Variants in SKI observed in about 807,000 individuals in gnomAD.
The protein encoded by SKI is ski oncogene.
Under a neutral mutation model 59.3 loss-of-function variants are expected in SKI, and 23 were observed. The ratio of observed to expected loss-of-function variants is 0.39; its 90% CI spans 0.28 to 0.55. SKI has a LOEUF of 0.55. SKI is among the 20% of genes least tolerant of loss of function. SKI has a pLI of 0.67. For missense variants in SKI, 1,017 were observed against 1,038.9 expected, an observed-to-expected ratio of 0.98 and a Z score of 0.29; for synonymous variants, 673 against 488.6, an observed-to-expected ratio of 1.38 and a Z score of -4.98.
Position 2,306,785 on chromosome 1 carries a change from A to G in SKI, c.*20A>G, listed in dbSNP as rs1157210755. 2 of 1,479,738 alleles carry G rather than the reference A, an allele frequency of 1.4e-6. No homozygotes were observed. The highest frequency in any genetic ancestry group is 1.5e-5 in the African/African-American group (1 of 67,650). The allele number at this position is 1,479,738 out of a possible 1,614,324, so 91.7% of individuals were successfully genotyped here. On this transcript the variant is annotated 3_prime_UTR_variant, in exon 7 of 7. Transcript: ENST00000378536. The stretch of plus-strand genomic sequence containing the variant: ...CCGTAGATTCCGTGCCTGCCGCCGC[A>G]GCGCCGCCGACAACGCGGGTGCAGG...
At chr1:2,306,405 T>G (rs886789669) in intron 6 of SKI, among the ~76,000 whole-genome samples, 155 bp downstream of exon 6, 8 of 151,764 alleles carry the variant, frequency 5.3e-5, no homozygotes, top group African/African-American at 1.9e-4. Context: ...ACAGGGTGGG[T>G]GGTTGCTGGG....
chr1:2,293,499 C>T lies in SKI; in HGVS notation c.970-9479C>T, dbSNP rs997669486. Among the ~76,000 whole-genome samples the T allele has an allele frequency of 5.3e-5, 8 of 150,912 alleles. No individual in the cohort carries two copies. The East Asian group carries it at 1.4e-3, about 26-fold the overall frequency. On this transcript the variant is annotated intron_variant, in intron 1 of 6. Coordinates refer to ENST00000378536, the MANE Select transcript of SKI (RefSeq NM_003036.4). ...CAGGCACATTTGGCCGTCCCCTTTT[C>T]TGCGTGTCTGTCCCCACCATCGTGC... is the stretch of plus-strand genomic sequence containing the variant.
intron 1 of SKI, among the ~76,000 whole-genome samples, chr1:2,288,463 G>A (rs751014723): frequency 1.3e-5 from 2 of 152,200 alleles, no homozygotes; most frequent in African/African-American, 2.4e-5. Flanking sequence ...CCCTGAATTC[G>A]GTTTTATTTT....
At chr1:2,254,530 T>C (rs574880111) in intron 1 of SKI, among the ~76,000 whole-genome samples, 1 of 152,382 alleles carries the variant, frequency 6.6e-6, no homozygotes, top group African/African-American at 2.4e-5. Context: ...TCAGTCTGGG[T>C]GCGTTGAAGA....
intron 1 of SKI, among the ~76,000 whole-genome samples, chr1:2,301,016 GTC>G (rs1289892901): frequency 6.6e-6 from 1 of 152,230 alleles, no homozygotes; most frequent in Non-Finnish European, 1.5e-5. Flanking sequence ...CCCTCAAGGA[GTC>G]TCTGAGTCTC....
intron 1 of SKI, among the ~76,000 whole-genome samples, chr1:2,246,294 G>C (rs918544053): frequency 7.2e-5 from 11 of 152,114 alleles, no homozygotes; most frequent in African/African-American, 2.7e-4. Context: ...AGTATGTTGG[G>C]CATTTTTTCG....
At position 2,242,094 on chromosome 1, in the gene SKI, A is replaced by G. The variant is rs566821273; in HGVS notation, c.969+12359A>G. 2.9e-3 allele frequency among the ~76,000 whole-genome samples: 448 copies of G among 152,284 alleles called. 3 individuals carry two copies. The highest frequency in any genetic ancestry group is 4.6e-3 in the Non-Finnish European group (313 of 68,026). ...GAGGCAGCAGGCCAGGAGAGAGCGG[A>G]GCTGGTTGGAGGAGGGCCAGCCTCC... On this transcript the variant is annotated intron_variant, in intron 1 of 6. Transcript: ENST00000378536.
intron 1 of SKI, among the ~76,000 whole-genome samples, chr1:2,279,855 C>G (rs967220524): frequency 2.0e-5 from 3 of 152,206 alleles, no homozygotes. Flanking sequence ...TGCCCAGCCT[C>G]TTCCTAAGTT....
In SKI at chr1:2,306,559, C is replaced by T. The variant is rs762184119; in HGVS notation, c.1999-18C>T. 4.5e-6 allele frequency: 7 copies of T among 1,539,124 alleles called. No homozygotes were observed. The highest frequency in any genetic ancestry group is 1.2e-5 in the South Asian group (1 of 83,704). ...AGGGCAGCGAGCAGGCGCCGCTGAC[C>T]ACTCGGCTCCCTTTCAGATCGAAGA... On this transcript the variant is annotated intron_variant, in intron 6 of 6. Coordinates refer to ENST00000378536, the MANE Select transcript of SKI (RefSeq NM_003036.4).
chr1:2,235,426 G>A (rs534142597), intron 1 of SKI, among the ~76,000 whole-genome samples: 43 of 152,318 alleles, frequency 2.8e-4, no homozygotes, highest in African/African-American at 9.6e-4. Flanking sequence ...CTGTTCTCTC[G>A]AGGCCTGGTT....
rs773151547 is a variant in SKI at position 2,306,142 on chromosome 1, C to T, written c.1890C>T (p.Ala630=). 306 of 1,595,068 alleles carry T rather than the reference C, an allele frequency of 1.9e-4. No homozygotes were observed. Among genetic ancestry groups the T allele is most frequent in the Non-Finnish European group, 2.5e-4 (295 of 1,172,204 alleles). Residue 630 remains alanine (A), a synonymous_variant, in exon 6 of 7, where the codon GCC becomes GCT. Coordinates refer to ENST00000378536, the MANE Select transcript of SKI (RefSeq NM_003036.4). ...AGAACGAGAAGAAGATGAAAGAGGC[C>T]AACGAGTCACGGCTGCGCCTGAAGC... The part of the protein sequence containing the change: ...RAENEKKMKE[A]NESRLRLKRE...
chr1:2,248,716 C>T (rs1459710384), intron 1 of SKI, among the ~76,000 whole-genome samples: 2 of 152,258 alleles, frequency 1.3e-5, no homozygotes, highest in Non-Finnish European at 2.9e-5. Flanking sequence ...TGCTGTTTAA[C>T]TCACTGTCTT....
chr1:2,271,417 C>T (rs908115176), intron 1 of SKI, among the ~76,000 whole-genome samples: 3 of 152,138 alleles, frequency 2.0e-5, no homozygotes, highest in African/African-American at 7.2e-5. Context: ...GGCGCCTGGG[C>T]TGGTGTCACC....
chr1:2,250,103 A>C (rs1182002430), intron 1 of SKI, among the ~76,000 whole-genome samples: 1 of 151,982 alleles, frequency 6.6e-6, no homozygotes, highest in African/African-American at 2.4e-5. Context: ...ACGGGGTTTC[A>C]CCATGTTGGC....
chr1:2,231,107 TC>T (rs1366638346), intron 1 of SKI, among the ~76,000 whole-genome samples: 1 of 152,158 alleles, frequency 6.6e-6, no homozygotes, highest in African/African-American at 2.4e-5. Context: ...CTGGGGCCCT[TC>T]GTGTCACACG....
In SKI at chr1:2,268,850, T is replaced by G. The variant is rs1268693493; in HGVS notation, c.970-34128T>G. ...GTGCTGCCGTATTCTGATTCCTTCT[T>G]CCCTCCCTCCCTCCCTTCTGCCTTT... On this transcript the variant is annotated intron_variant, in intron 1 of 6. Transcript: ENST00000378536. This position sits in a 1 kb window ranked among gnomAD's most constrained non-coding sequence, Gnocchi z 5.0. 6.6e-6 allele frequency among the ~76,000 whole-genome samples: 1 copy of G among 151,152 alleles called. No homozygotes were observed. Among genetic ancestry groups the G allele is most frequent in the Non-Finnish European group, 1.5e-5 (1 of 67,546 alleles).
Position 2,270,068 on chromosome 1 carries a change from A to G in SKI, c.970-32910A>G, listed in dbSNP as rs1377632179. Among the ~76,000 whole-genome samples the G allele has an allele frequency of 6.6e-6, 1 of 151,778 alleles. No individual in the cohort carries two copies. Among genetic ancestry groups the G allele is most frequent in the East Asian group, 1.9e-4 (1 of 5,158 alleles). On this transcript the variant is annotated intron_variant, in intron 1 of 6. Coordinates refer to ENST00000378536, the MANE Select transcript of SKI (RefSeq NM_003036.4). This position sits in a 1 kb window ranked among gnomAD's most constrained non-coding sequence, Gnocchi z 4.1. Reference sequence around the variant, plus strand: ...GTGCCTGCCATCAGGCTGCCGATGGATGAGCCTGCCTGTCCCCCACGGATT... The same window carrying G: ...GTGCCTGCCATCAGGCTGCCGATGGGTGAGCCTGCCTGTCCCCCACGGATT...
At chr1:2,273,489 C>G (rs943238909) in intron 1 of SKI, among the ~76,000 whole-genome samples, 2 of 152,106 alleles carry the variant, frequency 1.3e-5, no homozygotes, top group African/African-American at 4.8e-5. Flanking sequence ...CTCATTCTGT[C>G]TGTGATGGAA....
intron 1 of SKI, among the ~76,000 whole-genome samples, chr1:2,230,737 C>T (rs950922516): frequency 3.3e-5 from 5 of 152,168 alleles, no homozygotes; most frequent in Non-Finnish European, 5.9e-5. Flanking sequence ...AATATCCAGG[C>T]TTATTAAATT....
Sources: allele counts gnomAD v4.1 joint callset (sites outside exome capture counted in the v4.1 genomes callset), GRCh38; gene constraint gnomAD v4.1.1; non-coding constraint Gnocchi (gnomAD v3.1); transcripts MANE v1.5; gene names NCBI Gene and HGNC (gene_info 2026-07-23, HGNC 2026-07-21).